The following SH3D19 variants were observed in gnomAD, a reference collection of about 807,000 sequenced individuals.
SH3D19 encodes the protein SH3 domain containing 19.
SH3D19 carries 58 observed loss-of-function variants against 112.1 expected under a neutral mutation model. The observed-to-expected ratio is 0.52, with a 90% CI of 0.42 to 0.64. The LOEUF is 0.64. SH3D19 is among the 30% of genes least tolerant of loss of function. The pLI, the probability that SH3D19 is intolerant of heterozygous loss-of-function variation, is 0.00. For synonymous variants in SH3D19, 391 were observed against 448.5 expected (o/e 0.87, Z 1.62); for missense variants, 1,090 against 1,263.4 (o/e 0.86, Z 2.08).
chr4:151,175,028 T>C lies in SH3D19; in HGVS notation c.1176A>G (p.Ile392Met), dbSNP rs72723740. 3.0e-3 allele frequency: 4,778 copies of C among 1,614,176 alleles called. 7 individuals carry two copies. The highest frequency in any genetic ancestry group is 3.2e-3 in the Non-Finnish European group (3,803 of 1,180,014). The change falls in exon 7 of 20, where the codon ATA (isoleucine) becomes ATG (methionine). Residue 392 changes from isoleucine (I) to methionine (M), a missense_variant. Physicochemically the swap from Ile to Met is conservative, Grantham distance 10. Coordinates refer to ENST00000604030, the MANE Select transcript of SH3D19 (RefSeq NM_001378122.1). ...CCGGAATCTCAGGATTAACACTTCG[T>C]ATAAGGCCAGGGTTTGGTTTCTTTG... Reference protein sequence around the residue: ...ELPKKPNPGLIRSVNPEIPGR... With the variant: ...ELPKKPNPGLMRSVNPEIPGR...
intron 19 of SH3D19, among the ~76,000 whole-genome samples, chr4:151,125,095 C>A (rs1019147121): frequency 1.3e-5 from 2 of 151,656 alleles, no homozygotes; most frequent in Non-Finnish European, 2.9e-5. Flanking sequence ...GTTTTAAAGA[C>A]CAAGATGTTA....
chr4:151,200,033 C>T (rs1273433095), intron 2 of SH3D19, among the ~76,000 whole-genome samples: 1 of 151,978 alleles, frequency 6.6e-6, no homozygotes, highest in Non-Finnish European at 1.5e-5. Flanking sequence ...GCCTTTCTGC[C>T]ATAAGAGGAA....
chr4:151,312,945 C>T (rs953812877), intron 1 of SH3D19, among the ~76,000 whole-genome samples: 2 of 150,658 alleles, frequency 1.3e-5, no homozygotes, highest in African/African-American at 2.4e-5. Context: ...ATAAATTAGC[C>T]GGGTGTGGTG....
At chr4:151,266,166 G>A (rs1458648670) in intron 1 of SH3D19, 3 of 152,160 alleles carry the variant, frequency 2.0e-5, no homozygotes, top group African/African-American at 7.2e-5. Context: ...TCGTACCGAT[G>A]AAAGTTTAAA....
At chr4:151,213,680 A>T (rs1766367702) in intron 2 of SH3D19, among the ~76,000 whole-genome samples, 1 of 148,664 alleles carries the variant, frequency 6.7e-6, no homozygotes, top group Non-Finnish European at 1.5e-5. Flanking sequence ...TAATTAATTA[A>T]TTAATTAATT....
intron 19 of SH3D19, among the ~76,000 whole-genome samples, chr4:151,126,002 A>T (rs988616073): frequency 6.6e-6 from 1 of 152,210 alleles, no homozygotes; most frequent in Admixed American, 6.5e-5. Context: ...ATAGGAAGTT[A>T]GCAACTTTAT....
At chr4:151,246,490 A>G (rs1770956104) in intron 1 of SH3D19, among the ~76,000 whole-genome samples, 1 of 152,206 alleles carries the variant, frequency 6.6e-6, no homozygotes, top group Non-Finnish European at 1.5e-5. Flanking sequence ...TTGGGCCTTT[A>G]AAAAGTTTAT....
chr4:151,231,575 A>G (rs1011282726), intron 1 of SH3D19, among the ~76,000 whole-genome samples: 2 of 152,174 alleles, frequency 1.3e-5, no homozygotes, highest in Non-Finnish European at 2.9e-5. Flanking sequence ...CAATAAATAT[A>G]TATTTGTTGT....
rs572853381 is a variant in SH3D19, at chr4:151,320,025, A to G, written c.112+5216T>C. 7.3e-4 allele frequency among the ~76,000 whole-genome samples: 111 copies of G among 152,216 alleles called. 1 individual carries two copies. Among genetic ancestry groups the G allele is most frequent in the Non-Finnish European group, 1.1e-3 (76 of 68,038 alleles). On this transcript the variant is annotated intron_variant, in intron 1 of 19. Coordinates refer to ENST00000604030, the MANE Select transcript of SH3D19 (RefSeq NM_001378122.1). ...AATGTTTGTGAGCCTCAGTCTTTTC[A>G]ATGATAAAATGAAGAAAATAATACC...
intron 9 of SH3D19, 25 bp downstream of exon 9, chr4:151,159,215 A>C: frequency 7.8e-7 from 1 of 1,284,512 alleles, no homozygotes; most frequent in Non-Finnish European, 1.1e-6. Context: ...TCTTCAATCT[A>C]GTACAATCTA....
At chr4:151,228,921 C>G (rs1002168306) in intron 1 of SH3D19, among the ~76,000 whole-genome samples, 4 of 151,224 alleles carry the variant, frequency 2.6e-5, no homozygotes, top group Admixed American at 2.0e-4. Flanking sequence ...GTGGTGCAAT[C>G]ACAGCTCACT....
chr4:151,172,650 A>G (rs1166653622), intron 7 of SH3D19, among the ~76,000 whole-genome samples: 1 of 152,212 alleles, frequency 6.6e-6, no homozygotes, highest in Non-Finnish European at 1.5e-5. Context: ...GAGGAGTAGT[A>G]TTACGTCTAA....
chr4:151,121,905 G>C lies in SH3D19; in HGVS notation c.*186C>G, dbSNP rs1163710144. 4.2e-6 allele frequency: 2 copies of C among 470,740 alleles called. No individual in the cohort carries two copies. The highest frequency in any genetic ancestry group is 7.5e-6 in the Non-Finnish European group (2 of 267,404). 29.2% of individuals were successfully genotyped at this position (470,740 alleles called of 1,614,324 possible). On this transcript the variant is annotated 3_prime_UTR_variant, in exon 20 of 20. Coordinates refer to ENST00000604030, the MANE Select transcript of SH3D19 (RefSeq NM_001378122.1). The stretch of plus-strand genomic sequence containing the variant: ...CTAGCTCATGGGTTTCCATGTGCAT[G>C]TTTCTATTGTAATGAAAATTAACTA...
Position 151,313,742 on chromosome 4 carries a change from T to C in SH3D19, c.112+11499A>G, listed in dbSNP as rs558214398. Among the ~76,000 whole-genome samples the C allele has an allele frequency of 7.2e-5, 11 of 152,290 alleles. 1 individual carries two copies. Among genetic ancestry groups the C allele is most frequent in the African/African-American group, 1.9e-4 (8 of 41,548 alleles). On this transcript the variant is annotated intron_variant, in intron 1 of 19. Coordinates refer to ENST00000604030, the MANE Select transcript of SH3D19 (RefSeq NM_001378122.1). ...TTTCACTGAGAGTAACCAATCTACCTTGTAATCTCCAGGTAGCTCCAGTAG... is the reference window on the plus strand; with the variant it reads ...TTTCACTGAGAGTAACCAATCTACCCTGTAATCTCCAGGTAGCTCCAGTAG...
At chr4:151,222,958 C>T (rs1056427627) in intron 2 of SH3D19, among the ~76,000 whole-genome samples, 21 of 151,264 alleles carry the variant, frequency 1.4e-4, no homozygotes, top group Non-Finnish European at 2.4e-4. Context: ...TGAGCCAACG[C>T]GCCCGGCCTC....
intron 2 of SH3D19, among the ~76,000 whole-genome samples, chr4:151,210,111 T>C (rs959317522): frequency 2.6e-5 from 4 of 152,158 alleles, no homozygotes; most frequent in Non-Finnish European, 5.9e-5. Context: ...TTCATGAAGA[T>C]AATTTGGTAG....
intron 3 of SH3D19, 138 bp from the exon 4 acceptor site, chr4:151,179,535 AAAG>A (rs1760489989): frequency 2.4e-6 from 1 of 416,332 alleles, no homozygotes. Context: ...TCCTTAAAAA[AAAG>A]TAAATCAAAA....
chr4:151,246,879 A>G (rs577715615), intron 1 of SH3D19, among the ~76,000 whole-genome samples: 1 of 152,336 alleles, frequency 6.6e-6, no homozygotes, highest in South Asian at 2.1e-4. Flanking sequence ...GCTGCTACAA[A>G]TAATTCCTTT....
intron 9 of SH3D19, among the ~76,000 whole-genome samples, chr4:151,157,626 C>T (rs116638033): frequency 0.015 from 2,241 of 152,250 alleles, 60 homozygotes; most frequent in African/African-American, 0.051. Flanking sequence ...ATTGAAGAGA[C>T]ATCTGCACAT....
Sources: allele counts gnomAD v4.1 joint callset (sites outside exome capture counted in the v4.1 genomes callset), GRCh38; gene constraint gnomAD v4.1.1; transcripts MANE v1.5; gene names NCBI Gene and HGNC (gene_info 2026-07-23, HGNC 2026-07-21).